The following CYRIB variants were observed in gnomAD, a reference collection of about 807,000 sequenced individuals.
CYRIB encodes CYFIP related Rac1 interactor B.
A neutral mutation model predicts 44.2 loss-of-function variants in CYRIB; 8 were observed. The observed-to-expected ratio is 0.18, with a 90% CI of 0.11 to 0.33. The LOEUF is 0.33. Ranked by LOEUF, CYRIB falls within the 10% of genes least tolerant of loss-of-function variation. The pLI is 1.00. For synonymous variants in CYRIB, 131 were observed against 127.2 expected (o/e 1.03, Z -0.20); for missense variants, 185 against 382.8 (o/e 0.48, Z 4.31).
Position 129,956,627 on chromosome 8 carries a change from G to A in CYRIB, c.-243+14316C>T, listed in dbSNP as rs886190973. ...TGGTTATATCACTTAGGGTGAGCTG[G>A]GTTATGCTGTGGTAACAGAGCCCCT... On this transcript the variant is annotated intron_variant, in intron 2 of 14. Transcript: ENST00000401979. Among the ~76,000 whole-genome samples the A allele has an allele frequency of 3.3e-5, 5 of 152,160 alleles. No individual in the cohort carries two copies. The South Asian group carries it at 6.2e-4, about 19-fold the overall frequency.
intron 1 of CYRIB, among the ~76,000 whole-genome samples, chr8:129,982,353 T>C (rs1479587076): frequency 6.6e-6 from 1 of 152,248 alleles, no homozygotes; most frequent in Non-Finnish European, 1.5e-5. Flanking sequence ...TACTGAGCAC[T>C]TGAACTCTGG....
upstream of CYRIB, among the ~76,000 whole-genome samples, chr8:129,942,773 GT>G (rs2093813104): frequency 6.6e-6 from 1 of 152,170 alleles, no homozygotes; most frequent in African/African-American, 2.4e-5. Context: ...CTCTTGACTT[GT>G]TTTCTTCTTT....
At chr8:129,859,747 T>C (rs1440040089) in intron 5 of CYRIB, among the ~76,000 whole-genome samples, 1 of 152,252 alleles carries the variant, frequency 6.6e-6, no homozygotes, top group African/African-American at 2.4e-5. Context: ...TATTATAATA[T>C]TGGAATAAAG....
At chr8:129,860,118 T>C (rs1439509834) in intron 5 of CYRIB, among the ~76,000 whole-genome samples, 1 of 152,216 alleles carries the variant, frequency 6.6e-6, no homozygotes, top group Non-Finnish European at 1.5e-5. Flanking sequence ...ATCATGTGTG[T>C]CTTCATAGTT....
At chr8:129,980,498 T>C (rs2096182465) in intron 1 of CYRIB, among the ~76,000 whole-genome samples, 1 of 152,142 alleles carries the variant, frequency 6.6e-6, no homozygotes, top group Non-Finnish European at 1.5e-5. Context: ...AGCACACCAT[T>C]GATTTAATAA....
chr8:129,895,843 C>A (rs114594684), intron 2 of CYRIB, among the ~76,000 whole-genome samples: 4,749 of 152,226 alleles, frequency 0.031, 256 homozygotes, highest in African/African-American at 0.11. Context: ...GCTACAACTA[C>A]AATTACAGGC....
chr8:129,902,679 A>C (rs2072916921), intron 2 of CYRIB, among the ~76,000 whole-genome samples: 1 of 152,196 alleles, frequency 6.6e-6, no homozygotes, highest in African/African-American at 2.4e-5. Flanking sequence ...TTTATAACTA[A>C]GAAGAACACG....
rs551667247 is a variant in CYRIB, at chr8:130,013,493, G to A, written c.-296+2877C>T. Among the ~76,000 whole-genome samples, 9 of 152,338 alleles carry A rather than the reference G, an allele frequency of 5.9e-5. No individual in the cohort carries two copies. In the South Asian group the frequency reaches 1.9e-3, roughly 32 times the overall value. ...CACAGCCAAGAGATAGTGAAGGTGT[G>A]TCTGATAAAATTCATACTTAAAATC... On this transcript the variant is annotated intron_variant, in intron 1 of 14. Transcript: ENST00000401979.
chr8:129,921,856 T>C (rs1368929192), intron 1 of CYRIB, among the ~76,000 whole-genome samples: 2 of 152,084 alleles, frequency 1.3e-5, no homozygotes, highest in African/African-American at 4.8e-5. Flanking sequence ...GGTGTGAAGA[T>C]TAAAAAAAGA....
intron 1 of CYRIB, among the ~76,000 whole-genome samples, chr8:129,905,030 G>A (rs2074493212): frequency 6.6e-6 from 1 of 152,172 alleles, no homozygotes; most frequent in Non-Finnish European, 1.5e-5. Flanking sequence ...TTAGACATTA[G>A]CAACTAATGA....
chr8:129,937,895 C>T (rs1380611847), intron 1 of CYRIB, among the ~76,000 whole-genome samples: 1 of 152,182 alleles, frequency 6.6e-6, no homozygotes, highest in African/African-American at 2.4e-5. Context: ...CTCTCTCTCT[C>T]TCTCTCTCTC....
At chr8:129,975,824 T>A (rs2095891130) in intron 1 of CYRIB, among the ~76,000 whole-genome samples, 1 of 152,146 alleles carries the variant, frequency 6.6e-6, no homozygotes, top group Non-Finnish European at 1.5e-5. Context: ...TGTCCAGAGT[T>A]TAAAAATACT....
At chr8:129,840,522 G>A (rs1301343156) in exon 12 of CYRIB, 3 of 152,184 alleles carry the variant, frequency 2.0e-5, no homozygotes, top group Non-Finnish European at 4.4e-5. Flanking sequence ...TCTCCTGGGG[G>A]CCACTATTCA....
chr8:129,905,973 T>C (rs1169071821), intron 1 of CYRIB, among the ~76,000 whole-genome samples: 2 of 152,280 alleles, frequency 1.3e-5, no homozygotes, highest in East Asian at 3.9e-4. Context: ...TGGAAGAACA[T>C]TCCATGCTCA....
chr8:129,871,190 T>C (rs529663088), intron 4 of CYRIB, among the ~76,000 whole-genome samples, 185 bp downstream of exon 6: 1 of 152,340 alleles, frequency 6.6e-6, no homozygotes, highest in Admixed American at 6.5e-5. Context: ...TACCTATTTA[T>C]GGAACACAGT....
At chr8:129,950,782 G>T (rs993312685) in intron 2 of CYRIB, among the ~76,000 whole-genome samples, 1 of 152,098 alleles carries the variant, frequency 6.6e-6, no homozygotes, top group African/African-American at 2.4e-5. Flanking sequence ...TATAATAAAA[G>T]CCAGACACAA....
chr8:130,005,813 TAA>T (rs58689229), intron 1 of CYRIB, among the ~76,000 whole-genome samples: 117 of 136,164 alleles, frequency 8.6e-4, no homozygotes, highest in African/African-American at 1.9e-3. Flanking sequence ...CCTCATCTCT[TAA>T]AAAAAAAAAA....
intron 5 of CYRIB, among the ~76,000 whole-genome samples, chr8:129,861,135 C>T (rs1406375424): frequency 2.0e-5 from 3 of 152,194 alleles, no homozygotes; most frequent in Non-Finnish European, 2.9e-5. Flanking sequence ...GTTTTAACTA[C>T]ATTCAAATCG....
intron 1 of CYRIB, among the ~76,000 whole-genome samples, chr8:129,918,673 C>T (rs777553400): frequency 1.3e-5 from 2 of 152,220 alleles, no homozygotes; most frequent in Non-Finnish European, 2.9e-5. Flanking sequence ...CTCAAAGTGG[C>T]TACCACAGGC....
Sources: gnomAD v4.1 joint callset for allele counts (sites outside exome capture counted in the v4.1 genomes callset) on GRCh38, gnomAD v4.1.1 for gene constraint, MANE v1.5 for transcripts, NCBI Gene and HGNC (gene_info 2026-07-23, HGNC 2026-07-21) for gene names.